Variants in NCOA3 observed in about 807,000 individuals in gnomAD.
NCOA3 encodes CBP-interacting protein.
Under a neutral mutation model 158.8 loss-of-function variants are expected in NCOA3, and 51 were observed. The observed-to-expected ratio is 0.32, with a 90% CI of 0.26 to 0.41. The LOEUF (loss-of-function observed/expected upper bound fraction) is 0.41, where lower values mean the gene tolerates loss of function less well. Ranked by LOEUF, NCOA3 falls within the 10% of genes least tolerant of loss-of-function variation. The pLI is 1.00. For missense variants in NCOA3, 1,510 were observed against 1,746.6 expected (o/e 0.86, Z 2.41); for synonymous variants, 537 against 592.4 (o/e 0.91, Z 1.36).
intron 2 of NCOA3, among the ~76,000 whole-genome samples, chr20:47,606,192 C>T (rs140435292): frequency 6.6e-6 from 1 of 152,320 alleles, no homozygotes; most frequent in Non-Finnish European, 1.5e-5. Context: ...AAGCCAGACC[C>T]AGTTTCAGGC....
chr20:47,542,953 ACT>A (rs2084770449), intron 1 of NCOA3, among the ~76,000 whole-genome samples: 1 of 152,024 alleles, frequency 6.6e-6, no homozygotes, highest in African/African-American at 2.4e-5. Context: ...TGACAGCAAG[ACT>A]CTGTTTCAAA....
chr20:47,564,131 A>G (rs913601569), intron 1 of NCOA3, among the ~76,000 whole-genome samples: 61 of 150,894 alleles, frequency 4.0e-4, no homozygotes, highest in African/African-American at 1.3e-3. Context: ...TCCTGGGGAA[A>G]GAGCGAGACC....
At chr20:47,627,503 A>G (rs922142512) in intron 6 of NCOA3, 58 bp from the exon 7 acceptor site, 12 of 1,319,372 alleles carry the variant, frequency 9.1e-6, no homozygotes, top group East Asian at 4.6e-5. Flanking sequence ...ATTCTTGATG[A>G]TGGTCATAGA....
intron 1 of NCOA3, among the ~76,000 whole-genome samples, chr20:47,547,074 G>A (rs1012970495): frequency 6.6e-6 from 1 of 152,094 alleles, no homozygotes; most frequent in Non-Finnish European, 1.5e-5. Context: ...TAGCACTAAT[G>A]CTCTAATATA....
intron 2 of NCOA3, among the ~76,000 whole-genome samples, chr20:47,613,995 G>T (rs1217241992): frequency 6.6e-6 from 1 of 151,944 alleles, no homozygotes; most frequent in Non-Finnish European, 1.5e-5. Flanking sequence ...AGCATTGAAA[G>T]AAACAAAGGT....
intron 1 of NCOA3, among the ~76,000 whole-genome samples, chr20:47,560,256 T>A (rs1175006434): frequency 1.3e-5 from 2 of 152,140 alleles, no homozygotes; most frequent in East Asian, 3.9e-4. Flanking sequence ...TTTGTATTTT[T>A]AGTAGAGAGA....
intron 1 of NCOA3, among the ~76,000 whole-genome samples, chr20:47,527,930 C>T (rs902636326): frequency 5.3e-5 from 8 of 152,056 alleles, no homozygotes; most frequent in Non-Finnish European, 4.4e-5. Flanking sequence ...TCTCCTCCCC[C>T]TTCTGTTTTG....
At chr20:47,569,159 A>G (rs1272803715) in intron 1 of NCOA3, among the ~76,000 whole-genome samples, 1 of 152,062 alleles carries the variant, frequency 6.6e-6, no homozygotes, top group East Asian at 1.9e-4. Context: ...CAAGCTGGGC[A>G]ACATAGCAAG....
chr20:47,572,537 C>A (rs72662709), intron 1 of NCOA3, among the ~76,000 whole-genome samples: 6 of 151,500 alleles, frequency 4.0e-5, no homozygotes, highest in African/African-American at 4.9e-5. Flanking sequence ...TAGCCCCCCC[C>A]ACCTGCCTTT....
At chr20:47,519,461 G>A (rs543178120) in intron 1 of NCOA3, among the ~76,000 whole-genome samples, 1 of 152,206 alleles carries the variant, frequency 6.6e-6, no homozygotes, top group South Asian at 2.1e-4. Context: ...TTTAGTTTTG[G>A]TGTTCTGGTA....
At chr20:47,549,560 C>CA (rs763889456) in intron 1 of NCOA3, among the ~76,000 whole-genome samples, 1,432 of 54,502 alleles carry the variant, frequency 0.026, 31 homozygotes, top group African/African-American at 0.048. Flanking sequence ...GACTCTGTCT[C>CA]AAAAAAAAAA....
intron 1 of NCOA3, among the ~76,000 whole-genome samples, chr20:47,505,727 G>A (rs2084021870): frequency 6.6e-6 from 1 of 151,850 alleles, no homozygotes; most frequent in Non-Finnish European, 1.5e-5. Flanking sequence ...GAAAAACAAG[G>A]GGACTATATT....
At chr20:47,637,620 A>G in intron 12 of NCOA3, 28 bp from the exon 13 acceptor site, 1 of 1,577,226 alleles carries the variant, frequency 6.3e-7, no homozygotes, top group Non-Finnish European at 8.6e-7. Context: ...TAATGTATAC[A>G]GGTTAATTTT....
chr20:47,588,282 G>A (rs959453476), intron 2 of NCOA3, among the ~76,000 whole-genome samples: 5 of 151,366 alleles, frequency 3.3e-5, no homozygotes, highest in Admixed American at 6.6e-5. Context: ...CTACAGGTGC[G>A]TGCCACCATG....
At chr20:47,511,550 T>TATATATACATAC in intron 1 of NCOA3, among the ~76,000 whole-genome samples, 3 of 52,270 alleles carry the variant, frequency 5.7e-5, no homozygotes, top group South Asian at 9.4e-4. Flanking sequence ...TATATATATA[T>TATATATACATAC]ATATATTTCT....
rs750845390 is a variant in NCOA3 at position 47,633,479 on chromosome 20, CT to C, written c.824-10del. 1 of 1,593,266 alleles carries C rather than the reference CT, an allele frequency of 6.3e-7. No individual in the cohort carries two copies. The highest frequency in any genetic ancestry group is 1.2e-5 in the South Asian group (1 of 86,846). On this transcript the variant is annotated splice_polypyrimidine_tract_variant and intron_variant, in intron 8 of 22. Transcript: ENST00000371998. Reference sequence around the variant, plus strand: ...TGGGCTGGATATAAGTCTTTTTTTCCTTTTTTTGTTTAATAGGAAAGGTTGT... The same window carrying C: ...TGGGCTGGATATAAGTCTTTTTTTCCTTTTTTGTTTAATAGGAAAGGTTGT...
Position 47,645,179 on chromosome 20 carries a change from G to T in NCOA3, c.3253-1894G>T, listed in dbSNP as rs72645291. Among the ~76,000 whole-genome samples, 779 of 152,180 alleles carry T rather than the reference G, an allele frequency of 5.1e-3. 8 individuals carry two copies. Among genetic ancestry groups the T allele is most frequent in the African/African-American group, 0.017 (697 of 41,542 alleles). ...AAATATGCTAAATATAAAATTTCCT[G>T]TTTTCAGCCTCTGCCTCACTCCTTT... On this transcript the variant is annotated intron_variant, in intron 17 of 22. Coordinates refer to ENST00000371998, the MANE Select transcript of NCOA3 (RefSeq NM_181659.3).
In NCOA3 at chr20:47,652,933, C is replaced by A. The variant is rs768479667; in HGVS notation, c.4124C>A (p.Ser1375Tyr). The change falls in exon 22 of 23, where the codon TCC becomes TAC. Residue 1375 changes from serine (S) to tyrosine (Y), a missense_variant and splice_region_variant. Ser to Tyr is a moderately radical substitution (Grantham distance 144). Around this residue, in one of 4 missense-constraint regions of NCOA3, gnomAD observed 180 missense variants for 199.3 expected, o/e 0.90. Coordinates refer to ENST00000371998, the MANE Select transcript of NCOA3 (RefSeq NM_181659.3). ...WPSGNLARNS[S>Y]FSQQQFAHQG... The stretch of plus-strand genomic sequence containing the variant: ...TATTACCATTTGTTTACTTACAGCT[C>A]CTTTTCCCAGCAGCAGTTTGCCCAC... 1.9e-6 allele frequency: 3 copies of A among 1,614,082 alleles called. No individual in the cohort carries two copies. The highest frequency in any genetic ancestry group is 1.7e-6 in the Non-Finnish European group (2 of 1,179,994).
chr20:47,556,842 T>C (rs2146170758), intron 1 of NCOA3, among the ~76,000 whole-genome samples: 1 of 152,252 alleles, frequency 6.6e-6, no homozygotes, highest in East Asian at 1.9e-4. Flanking sequence ...TTTAAAAGTT[T>C]ACAAAGTAGA....
Sources: gnomAD v4.1 joint callset for allele counts (sites outside exome capture counted in the v4.1 genomes callset) on GRCh38, gnomAD v4.1.1 for gene constraint, gnomAD v4.1.1 regional missense constraint, MANE v1.5 for transcripts, NCBI Gene and HGNC (gene_info 2026-07-23, HGNC 2026-07-21) for gene names.